TENM4: variants seen among roughly 807,000 people sequenced by gnomAD.
The protein encoded by TENM4 is teneurin transmembrane protein 4, also known as teneurin-4.
Under a neutral mutation model 243.3 loss-of-function variants are expected in TENM4, and 82 were observed. That is an observed-to-expected ratio of 0.34 (90% confidence interval 0.28 to 0.40). TENM4 has a LOEUF of 0.40. Ranked by LOEUF, TENM4 falls within the 10% of genes least tolerant of loss-of-function variation. TENM4 has a pLI of 1.00. For missense variants in TENM4, 3,138 were observed against 3,673.3 expected, an observed-to-expected ratio of 0.85 and a Z score of 3.77; for synonymous variants, 1,412 against 1,456.3, an observed-to-expected ratio of 0.97 and a Z score of 0.69.
chr11:79,173,864 A>G (rs1213623073), intron 3 of TENM4, among the ~76,000 whole-genome samples: 1 of 152,210 alleles, frequency 6.6e-6, no homozygotes, highest in East Asian at 1.9e-4. Flanking sequence ...AGCCCAGAAG[A>G]ATGTCTTCAG....
intron 2 of TENM4, among the ~76,000 whole-genome samples, chr11:79,271,487 AT>A (rs962151620): frequency 6.6e-6 from 1 of 152,090 alleles, no homozygotes; most frequent in African/African-American, 2.4e-5. Context: ...GCTGAATCGT[AT>A]TTGCATTTGT....
intron 2 of TENM4, among the ~76,000 whole-genome samples, chr11:79,216,404 G>C (rs774367308): frequency 2.0e-5 from 3 of 152,196 alleles, no homozygotes; most frequent in Non-Finnish European, 4.4e-5. Flanking sequence ...AGTGGCCCCC[G>C]TTAACAGTTC....
At chr11:79,411,193 C>T (rs1858692678) in intron 1 of TENM4, among the ~76,000 whole-genome samples, 1 of 152,178 alleles carries the variant, frequency 6.6e-6, no homozygotes, top group Non-Finnish European at 1.5e-5. Context: ...CCTTGATCTT[C>T]CCCAGGCCAT....
intron 1 of TENM4, among the ~76,000 whole-genome samples, chr11:79,359,798 A>G (rs1055019563): frequency 6.6e-6 from 1 of 152,154 alleles, no homozygotes; most frequent in Non-Finnish European, 1.5e-5. Flanking sequence ...ATTATCAGGC[A>G]GCTTATGAGG....
intron 19 of TENM4, among the ~76,000 whole-genome samples, chr11:78,749,600 C>T (rs928552212): frequency 9.2e-5 from 14 of 152,148 alleles, no homozygotes; most frequent in African/African-American, 2.9e-4. Context: ...ATGCCACTGA[C>T]GCTTGCATAT....
intron 4 of TENM4, chr11:79,097,411 T>G (rs7938684): frequency 5.9e-5 from 9 of 152,060 alleles, no homozygotes; most frequent in Non-Finnish European, 1.0e-4. Flanking sequence ...ATGGATCGCC[T>G]GCTAATTTTC....
chr11:78,782,772 T>A (rs2511828), intron 16 of TENM4, among the ~76,000 whole-genome samples: 50,544 of 146,760 alleles, frequency 0.34, 9,126 homozygotes, highest in African/African-American at 0.47. Flanking sequence ...TCTTTTTTTT[T>A]AAAAAAAAAA....
In TENM4 at chr11:78,983,473, C is replaced by T. The variant is rs191584795; in HGVS notation, c.494-79950G>A. 1.4e-3 allele frequency among the ~76,000 whole-genome samples: 215 copies of T among 152,356 alleles called. 1 individual carries two copies. Among genetic ancestry groups the T allele is most frequent in the Non-Finnish European group, 2.6e-3 (179 of 68,034 alleles). Reference sequence around the variant, plus strand: ...GTGCTTTTGTTTGTCATCCATTCGACGACACATTCCTGATGCTCATGGTGT... The same window carrying T: ...GTGCTTTTGTTTGTCATCCATTCGATGACACATTCCTGATGCTCATGGTGT... On this transcript the variant is annotated intron_variant, in intron 6 of 33. Coordinates refer to ENST00000278550, the MANE Select transcript of TENM4 (RefSeq NM_001098816.3).
chr11:78,694,037 G>A (rs1858895300), intron 28 of TENM4, among the ~76,000 whole-genome samples: 1 of 152,022 alleles, frequency 6.6e-6, no homozygotes, highest in Non-Finnish European at 1.5e-5. Context: ...TCATATAGTT[G>A]CTGTGAACTT....
chr11:79,058,513 C>T (rs1860000633), intron 6 of TENM4, among the ~76,000 whole-genome samples: 1 of 146,452 alleles, frequency 6.8e-6, no homozygotes, highest in Non-Finnish European at 1.5e-5. Flanking sequence ...CACTGCACTC[C>T]AGCCTGGACG....
chr11:79,040,658 G>T (rs1836106), intron 6 of TENM4, among the ~76,000 whole-genome samples: 2 of 152,200 alleles, frequency 1.3e-5, no homozygotes, highest in Non-Finnish European at 2.9e-5. Flanking sequence ...ACAGCCTGGA[G>T]AGGAGGCAAA....
In TENM4 at chr11:78,658,230, C is replaced by G; in HGVS notation, c.8138G>C (p.Gly2713Ala). ...WAREQQRLRE[G>A]EEGLRAWTEG... ...TGTCCAGGCCCGCAGGCCTTCCTCC[C>G]CTTCCCGCAGTCTCTGCTGCTCGCG... is the stretch of plus-strand genomic sequence containing the variant. The change falls in exon 34 of 34, where the codon GGG becomes GCG. Residue 2713 changes from glycine to alanine, a missense_variant. Physicochemically the swap from Gly to Ala is moderately conservative, Grantham distance 60. Coordinates refer to ENST00000278550, the MANE Select transcript of TENM4 (RefSeq NM_001098816.3). 3 of 1,614,012 alleles carry G rather than the reference C, an allele frequency of 1.9e-6. No individual in the cohort carries two copies. Among genetic ancestry groups the G allele is most frequent in the Non-Finnish European group, 2.5e-6 (3 of 1,179,864 alleles).
At chr11:79,075,751 G>A (rs1215393452) in intron 4 of TENM4, among the ~76,000 whole-genome samples, 2 of 152,246 alleles carry the variant, frequency 1.3e-5, no homozygotes, top group Non-Finnish European at 2.9e-5. Context: ...AGATGTGTAA[G>A]ACCCTGGCAG....
At chr11:78,721,292 G>T (rs1016660128) in intron 24 of TENM4, among the ~76,000 whole-genome samples, 1 of 152,236 alleles carries the variant, frequency 6.6e-6, no homozygotes, top group Non-Finnish European at 1.5e-5. Flanking sequence ...TCATTCAGCC[G>T]ATATCTGATT....
intron 12 of TENM4, among the ~76,000 whole-genome samples, chr11:78,836,150 G>C (rs1344505926): frequency 6.6e-6 from 1 of 152,144 alleles, no homozygotes; most frequent in Non-Finnish European, 1.5e-5. Context: ...CTGAGGTCAG[G>C]AGTTCGAGAA....
At chr11:79,105,866 T>C (rs560997311) in intron 4 of TENM4, among the ~76,000 whole-genome samples, 1 of 152,354 alleles carries the variant, frequency 6.6e-6, no homozygotes, top group East Asian at 1.9e-4. Context: ...CTTAGTATTA[T>C]GAATTAATGG....
At position 78,904,163 on chromosome 11, in the gene TENM4, A is replaced by T. The variant is rs571299996; in HGVS notation, c.494-640T>A. ...ATCACAAGGTCAGGAGATCGAGACC[A>T]TCCTGGCTAACATGGTGAAACCCTG... is the stretch of plus-strand genomic sequence containing the variant. On this transcript the variant is annotated intron_variant, in intron 6 of 33. Transcript: ENST00000278550. Among the ~76,000 whole-genome samples the T allele has an allele frequency of 2.6e-5, 4 of 152,166 alleles. No individual in the cohort carries two copies. The South Asian group carries it at 6.2e-4, about 24-fold the overall frequency.
chr11:79,102,045 A>C (rs990196829), intron 4 of TENM4, among the ~76,000 whole-genome samples: 2 of 152,244 alleles, frequency 1.3e-5, no homozygotes, highest in African/African-American at 4.8e-5. Flanking sequence ...AAATTTCTTA[A>C]CTTCTCCATG....
chr11:78,940,306 C>T (rs1028082781), intron 6 of TENM4, among the ~76,000 whole-genome samples: 4 of 152,180 alleles, frequency 2.6e-5, no homozygotes, highest in Admixed American at 1.3e-4. Flanking sequence ...ATTTTACCAA[C>T]CTCCTACTAT....
Sources: allele counts gnomAD v4.1 joint callset (sites outside exome capture counted in the v4.1 genomes callset), GRCh38; gene constraint gnomAD v4.1.1; transcripts MANE v1.5; gene names NCBI Gene and HGNC (gene_info 2026-07-23, HGNC 2026-07-21).